The following KCNH5 variants were observed in gnomAD, a reference collection of about 807,000 sequenced individuals.
KCNH5 encodes potassium voltage-gated channel subfamily H member 5.
In KCNH5, 46 loss-of-function variants were observed where a neutral mutation model predicts 96.1. The ratio of observed to expected loss-of-function variants is 0.48; its 90% CI spans 0.38 to 0.61. KCNH5 has a LOEUF of 0.61. Among genes scored for constraint, KCNH5 ranks in the 20% least tolerant of loss-of-function variants. The pLI is 0.00. For missense variants in KCNH5, 907 were observed against 1,225.8 expected (o/e 0.74, Z 3.88); for synonymous variants, 439 against 449.8 (o/e 0.98, Z 0.30).
chr14:62,812,513 C>T (rs574704102), intron 8 of KCNH5, among the ~76,000 whole-genome samples: 1 of 152,206 alleles, frequency 6.6e-6, no homozygotes, highest in East Asian at 1.9e-4. Flanking sequence ...ATAAATGTTA[C>T]TTTCCTTGGG....
At chr14:62,781,008 G>GA (rs528471948) in intron 9 of KCNH5, among the ~76,000 whole-genome samples, 11 of 147,726 alleles carry the variant, frequency 7.4e-5, no homozygotes, top group South Asian at 4.3e-4. Flanking sequence ...GAACTAACAG[G>GA]AAAAAAAAAA....
chr14:62,993,375 T>TG (rs1484087851), intron 4 of KCNH5, among the ~76,000 whole-genome samples: 1 of 152,070 alleles, frequency 6.6e-6, no homozygotes, highest in East Asian at 1.9e-4. Context: ...TTGATAAGAA[T>TG]GGCATTGAAT....
intron 9 of KCNH5, among the ~76,000 whole-genome samples, chr14:62,800,256 C>A (rs968298374): frequency 3.3e-5 from 5 of 152,022 alleles, no homozygotes; most frequent in Non-Finnish European, 7.4e-5. Context: ...GGAGAGAAAA[C>A]AAAAAGCACA....
chr14:62,869,565 G>A (rs146914233), intron 7 of KCNH5, among the ~76,000 whole-genome samples: 1,764 of 152,142 alleles, frequency 0.012, 54 homozygotes, highest in African/African-American at 0.04. Flanking sequence ...GGCTTTTGTT[G>A]CCATTGCTTT....
intron 10 of KCNH5, among the ~76,000 whole-genome samples, chr14:62,748,063 A>G (rs1000320728): frequency 4.6e-5 from 7 of 152,182 alleles, no homozygotes; most frequent in Non-Finnish European, 8.8e-5. Flanking sequence ...CCCGATCCAG[A>G]CCCCAAGAGA....
At chr14:62,922,202 C>A (rs763207148) in intron 7 of KCNH5, among the ~76,000 whole-genome samples, 1 of 151,778 alleles carries the variant, frequency 6.6e-6, no homozygotes, top group Non-Finnish European at 1.5e-5. Context: ...TTTTTTTAAT[C>A]CTTAGACGTA....
intron 9 of KCNH5, among the ~76,000 whole-genome samples, chr14:62,788,747 C>T (rs1300167793): frequency 6.6e-6 from 1 of 152,102 alleles, no homozygotes. Context: ...AAGATTACAA[C>T]TTGCTGAAGG....
At position 62,862,436 on chromosome 14, in the gene KCNH5, G is replaced by C. The variant is rs193199858; in HGVS notation, c.1370-12584C>G. 1.5e-4 allele frequency among the ~76,000 whole-genome samples: 23 copies of C among 152,214 alleles called. 1 individual carries two copies. The highest frequency in any genetic ancestry group is 2.5e-4 in the Non-Finnish European group (17 of 68,014). The stretch of plus-strand genomic sequence containing the variant: ...TTGCTTCTAAATCTTTGTTCATACA[G>C]TTCCCTTGTGGTGGGTTTAAAAACA... On this transcript the variant is annotated intron_variant, in intron 7 of 10. Transcript: ENST00000322893.
At chr14:62,944,513 C>T (rs375653979) in intron 7 of KCNH5, among the ~76,000 whole-genome samples, 108 of 152,060 alleles carry the variant, frequency 7.1e-4, no homozygotes, top group African/African-American at 2.4e-3. Context: ...ACACACACAC[C>T]GCTAAATCCC....
chr14:62,740,285 G>T (rs1885244642), intron 10 of KCNH5, among the ~76,000 whole-genome samples: 1 of 152,178 alleles, frequency 6.6e-6, no homozygotes, highest in African/African-American at 2.4e-5. Context: ...GTCATTATAT[G>T]TCATCTTTTC....
At chr14:62,968,007 G>T (rs1890335075) in intron 6 of KCNH5, among the ~76,000 whole-genome samples, 1 of 152,140 alleles carries the variant, frequency 6.6e-6, no homozygotes, top group Non-Finnish European at 1.5e-5. Context: ...TCCTCTCAAA[G>T]CTAATTCCCT....
intron 7 of KCNH5, among the ~76,000 whole-genome samples, chr14:62,926,729 G>A (rs1333819114): frequency 6.6e-6 from 1 of 152,068 alleles, no homozygotes; most frequent in Non-Finnish European, 1.5e-5. Context: ...CACTGGATCA[G>A]GGCTCCACTC....
rs1884318708 is a variant in KCNH5 at position 62,699,793 on chromosome 14, A to C, written c.*7715T>G. 6.6e-6 allele frequency: 1 copy of C among 152,218 alleles called. No individual in the cohort carries two copies. The highest frequency in any genetic ancestry group is 1.5e-5 in the Non-Finnish European group (1 of 68,016). 9.4% of individuals were successfully genotyped at this position (152,218 alleles called of 1,614,324 possible). A position where few individuals can be genotyped will look rare whatever the true frequency, so the allele number is the denominator to read the frequency against. On this transcript the variant is annotated 3_prime_UTR_variant, in exon 11 of 11. Transcript: ENST00000322893. ...CAGTCAGGTGATAGGTCAACAGTAC[A>C]TACAAAATTTCTATATTATACATTG... is the stretch of plus-strand genomic sequence containing the variant.
intron 6 of KCNH5, among the ~76,000 whole-genome samples, chr14:62,968,744 A>T (rs1290010989): frequency 6.6e-6 from 1 of 152,200 alleles, no homozygotes; most frequent in Admixed American, 6.5e-5. Context: ...TGGCAATTAG[A>T]TGTCAGGCAT....
chr14:62,985,803 CCTG>C (rs779397068), intron 5 of KCNH5, among the ~76,000 whole-genome samples: 20 of 152,112 alleles, frequency 1.3e-4, no homozygotes, highest in Non-Finnish European at 2.4e-4. Context: ...CATAAATCTC[CCTG>C]CTGTTCAGGC....
chr14:62,950,344 G>A lies in KCNH5; in HGVS notation c.1158C>T (p.Asp386=), dbSNP rs1889976655. ...IDEVTNTIQI[D]SWLYQLALSI... ...TCAAAGCCAGCTGGTAGAGCCAACT[G>A]TCTATTTGGATGGTGTTAGTGACTT... Residue 386 remains aspartate, a synonymous_variant, in exon 7 of 11, where the codon GAC becomes GAT. Transcript: ENST00000322893. 4 of 1,614,006 alleles carry A rather than the reference G, an allele frequency of 2.5e-6. No homozygotes were observed. Among genetic ancestry groups the A allele is most frequent in the Non-Finnish European group, 3.4e-6 (4 of 1,179,968 alleles).
chr14:62,944,765 A>G (rs933063021), intron 7 of KCNH5, among the ~76,000 whole-genome samples: 2 of 152,182 alleles, frequency 1.3e-5, no homozygotes, highest in Non-Finnish European at 2.9e-5. Flanking sequence ...GAAATATCCC[A>G]TGAAATTACC....
chr14:62,829,414 C>T (rs1309259962), intron 8 of KCNH5, among the ~76,000 whole-genome samples: 1 of 152,238 alleles, frequency 6.6e-6, no homozygotes, highest in African/African-American at 2.4e-5. Flanking sequence ...TCTGCCTAGA[C>T]ATCCAGGCAT....
At chr14:62,906,177 G>A (rs1341805023) in intron 7 of KCNH5, among the ~76,000 whole-genome samples, 5 of 152,166 alleles carry the variant, frequency 3.3e-5, no homozygotes, top group Non-Finnish European at 7.3e-5. Context: ...GCTAGGCTTT[G>A]GTTAGGAAAG....
Sources: gnomAD v4.1 joint callset for allele counts (sites outside exome capture counted in the v4.1 genomes callset) on GRCh38, gnomAD v4.1.1 for gene constraint, MANE v1.5 for transcripts, NCBI Gene and HGNC (gene_info 2026-07-23, HGNC 2026-07-21) for gene names.